Variants in SMG6 observed in about 807,000 individuals in gnomAD.
The protein encoded by SMG6 is telomerase-binding protein EST1A.
Under a neutral mutation model 142.2 loss-of-function variants are expected in SMG6, and 66 were observed. The observed-to-expected ratio is 0.46, with a 90% CI of 0.38 to 0.57. SMG6 has a LOEUF of 0.57. Ranked by LOEUF, SMG6 falls within the 20% of genes least tolerant of loss-of-function variation. The pLI, the probability that SMG6 is intolerant of heterozygous loss-of-function variation, is 0.00. For missense variants in SMG6, 1,793 were observed against 1,832.0 expected (o/e 0.98, Z 0.39); for synonymous variants, 779 against 702.4 (o/e 1.11, Z -1.72).
chr17:2,215,309 A>AC, intron 10 of SMG6, among the ~76,000 whole-genome samples: 1 of 152,336 alleles, frequency 6.6e-6, no homozygotes, highest in East Asian at 1.9e-4. Context: ...CACTAAAAAT[A>AC]CAGTCCCGGC....
chr17:2,257,233 G>C (rs1012733536), intron 8 of SMG6, among the ~76,000 whole-genome samples: 2 of 151,872 alleles, frequency 1.3e-5, no homozygotes, highest in African/African-American at 4.8e-5. Flanking sequence ...CTACAGGCAC[G>C]TGCCACCACA....
chr17:2,220,575 A>G (rs1021242780), intron 10 of SMG6, among the ~76,000 whole-genome samples: 2 of 152,196 alleles, frequency 1.3e-5, no homozygotes, highest in Non-Finnish European at 1.5e-5. Flanking sequence ...GGCTGCAGTG[A>G]GCTATGATCA....
intron 13 of SMG6, among the ~76,000 whole-genome samples, chr17:2,148,181 A>AC (rs889927781): frequency 1.1e-4 from 16 of 152,044 alleles, no homozygotes; most frequent in Non-Finnish European, 1.5e-5. Context: ...ACAGAGTGAG[A>AC]CCCCATCTCA....
chr17:2,077,896 A>G (rs1228519060), intron 15 of SMG6, among the ~76,000 whole-genome samples: 1 of 152,200 alleles, frequency 6.6e-6, no homozygotes, highest in Non-Finnish European at 1.5e-5. Context: ...CCAATGTCAT[A>G]TAACTAGTAA....
chr17:2,237,391 T>C (rs2073692920), intron 9 of SMG6: 2 of 492,482 alleles, frequency 4.1e-6, no homozygotes, highest in Non-Finnish European at 5.3e-6. Flanking sequence ...CCCAAGCGTT[T>C]ACTTTAGGTA....
intron 13 of SMG6, among the ~76,000 whole-genome samples, chr17:2,125,233 T>C (rs2069833750): frequency 6.6e-6 from 1 of 152,230 alleles, no homozygotes. Context: ...AGCCCTCTCA[T>C]ATCTCCGAGA....
chr17:2,188,372 A>G, intron 11 of SMG6, 27 bp downstream of exon 11: 1 of 1,603,398 alleles, frequency 6.2e-7, no homozygotes, highest in African/African-American at 1.3e-5. Flanking sequence ...TGGAAAGCCC[A>G]CCAGGCTGGG....
chr17:2,090,522 T>C (rs1001544882), intron 13 of SMG6, among the ~76,000 whole-genome samples: 3 of 152,022 alleles, frequency 2.0e-5, no homozygotes, highest in Non-Finnish European at 4.4e-5. Context: ...CTCTAGGGAG[T>C]GAGGGACTCG....
At position 2,300,464 on chromosome 17, in the gene SMG6, C is replaced by T. The variant is rs2075255804; in HGVS notation, c.289G>A (p.Val97Ile). The T allele has an allele frequency of 1.2e-6, 2 of 1,614,058 alleles. No individual in the cohort carries two copies. The highest frequency in any genetic ancestry group is 8.5e-7 in the Non-Finnish European group (1 of 1,180,038). ...VENGTQPVKDVCKELNNQEQN... is the reference protein window; with the variant it reads ...VENGTQPVKDICKELNNQEQN... Reference sequence around the variant, plus strand: ...TCTTGGTTGTTCAGTTCCTTGCAGACATCTTTAACGGGCTGTGTACCATTT... The same window carrying T: ...TCTTGGTTGTTCAGTTCCTTGCAGATATCTTTAACGGGCTGTGTACCATTT... Residue 97 changes from valine to isoleucine, a missense_variant, in exon 2 of 19, where the codon GTC (valine) becomes ATC (isoleucine). Physicochemically the swap from Val to Ile is conservative, Grantham distance 29 (BLOSUM62 3). Transcript: ENST00000263073.
At chr17:2,243,091 G>C (rs1597692370) in intron 9 of SMG6, among the ~76,000 whole-genome samples, 1 of 152,156 alleles carries the variant, frequency 6.6e-6, no homozygotes, top group South Asian at 2.1e-4. Context: ...GACCAGTGAT[G>C]CATCTAGTTT....
chr17:2,086,724 G>A (rs1246512143), intron 13 of SMG6, among the ~76,000 whole-genome samples: 1 of 152,160 alleles, frequency 6.6e-6, no homozygotes, highest in East Asian at 1.9e-4. Context: ...CCCCCCTTCT[G>A]GAGGCACCAC....
intron 8 of SMG6, among the ~76,000 whole-genome samples, chr17:2,253,074 A>G (rs2074082955): frequency 6.6e-6 from 1 of 152,088 alleles, no homozygotes; most frequent in Admixed American, 6.5e-5. Context: ...AGAGCTGAGT[A>G]GCTGCAGCAG....
chr17:2,123,845 C>T (rs116474662), intron 13 of SMG6, among the ~76,000 whole-genome samples: 1,750 of 152,310 alleles, frequency 0.011, 44 homozygotes, highest in African/African-American at 0.04. Flanking sequence ...CTTTTGATTT[C>T]ATTCAAACTT....
chr17:2,283,362 A>C (rs2151380443), intron 7 of SMG6, among the ~76,000 whole-genome samples: 1 of 152,284 alleles, frequency 6.6e-6, no homozygotes, highest in South Asian at 2.1e-4. Flanking sequence ...GTACATGTAC[A>C]TCCAAGGGCC....
At chr17:2,177,812 G>T (rs1366165913) in intron 12 of SMG6, among the ~76,000 whole-genome samples, 1 of 152,200 alleles carries the variant, frequency 6.6e-6, no homozygotes, top group Non-Finnish European at 1.5e-5. Flanking sequence ...AGCTGAAAAA[G>T]AGGACACCCA....
In SMG6 at chr17:2,113,922, C is replaced by T. The variant is rs555991881; in HGVS notation, c.3358-28021G>A. Among the ~76,000 whole-genome samples, 5 of 152,310 alleles carry T rather than the reference C, an allele frequency of 3.3e-5. No individual in the cohort carries two copies. In the East Asian group the frequency reaches 9.6e-4, roughly 29 times the overall value. On this transcript the variant is annotated intron_variant, in intron 13 of 18. Coordinates refer to ENST00000263073, the MANE Select transcript of SMG6 (RefSeq NM_017575.5). ...CCAATGCCTACCTTTATCAAATGAACAATGACCTTCCAAGTATTTCAATCT... is the reference window on the plus strand; with the variant it reads ...CCAATGCCTACCTTTATCAAATGAATAATGACCTTCCAAGTATTTCAATCT...
At chr17:2,112,233 G>A (rs760504720) in intron 13 of SMG6, among the ~76,000 whole-genome samples, 28 of 151,824 alleles carry the variant, frequency 1.8e-4, no homozygotes, top group South Asian at 4.2e-4. Context: ...GGCCGGGCGC[G>A]GTGGCTCACG....
At chr17:2,070,231 T>C (rs2068063371) in intron 15 of SMG6, among the ~76,000 whole-genome samples, 1 of 152,228 alleles carries the variant, frequency 6.6e-6, no homozygotes, top group Non-Finnish European at 1.5e-5. Flanking sequence ...AGACCGGCTC[T>C]GGGTATGTCT....
At chr17:2,270,178 C>T (rs1036006660) in intron 8 of SMG6, among the ~76,000 whole-genome samples, 1 of 151,872 alleles carries the variant, frequency 6.6e-6, no homozygotes, top group African/African-American at 2.4e-5. Flanking sequence ...GGCAATTACT[C>T]AGAGAAGGAT....
Sources: allele counts gnomAD v4.1 joint callset (sites outside exome capture counted in the v4.1 genomes callset), GRCh38; gene constraint gnomAD v4.1.1; transcripts MANE v1.5; gene names NCBI Gene and HGNC (gene_info 2026-07-23, HGNC 2026-07-21).